Variants in MTREX observed in about 807,000 individuals in gnomAD.
MTREX encodes the protein Mtr4 exosome RNA helicase, also known as exosome RNA helicase MTR4.
Under a neutral mutation model 135.4 loss-of-function variants are expected in MTREX, and 76 were observed. That is an observed-to-expected ratio of 0.56 (90% CI 0.47 to 0.68). The LOEUF (loss-of-function observed/expected upper bound fraction) is 0.68, where lower values mean the gene tolerates loss of function less well. Ranked by LOEUF, MTREX falls within the 30% of genes least tolerant of loss-of-function variation. The pLI is 0.00. For synonymous variants in MTREX, 404 were observed against 401.6 expected (o/e 1.01, Z -0.07); for missense variants, 920 against 1,262.1 (o/e 0.73, Z 4.11).
Position 55,378,506 on chromosome 5 carries a change from T to C in MTREX, c.1983+20T>C. 6.3e-7 allele frequency: 1 copy of C among 1,584,236 alleles called. No individual in the cohort carries two copies. Among genetic ancestry groups the C allele is most frequent in the Middle Eastern group, 1.7e-4 (1 of 5,826 alleles). ...GTAAAGGTATGTCATTGTTTCTTCA[T>C]AAAATACTTGAATAATTCAATATTT... On this transcript the variant is annotated intron_variant, in intron 17 of 26. Transcript: ENST00000230640.
chr5:55,403,079 T>A (rs540064151), intron 21 of MTREX, among the ~76,000 whole-genome samples: 9 of 151,956 alleles, frequency 5.9e-5, no homozygotes, highest in Non-Finnish European at 1.2e-4. Flanking sequence ...CATGCACCTG[T>A]CATCCCAGGT....
Position 55,422,893 on chromosome 5 carries a change from G to C in MTREX, c.2987G>C (p.Cys996Ser). 6.2e-7 allele frequency: 1 copy of C among 1,613,542 alleles called. No individual in the cohort carries two copies. Among genetic ancestry groups the C allele is most frequent in the Non-Finnish European group, 8.5e-7 (1 of 1,179,762 alleles). ...TDVFEGSIIR[C>S]MRRLEELLRQ... The stretch of plus-strand genomic sequence containing the variant: ...TTCTATCCAGGCAGCATAATTCGTT[G>C]TATGAGGCGCCTGGAAGAATTGCTT... The change falls in exon 26 of 27, where the codon TGT becomes TCT. Residue 996 changes from cysteine (C) to serine (S), a missense_variant. By Grantham distance (112) the Cys-to-Ser change is moderately radical. Around this residue, in one of 6 missense-constraint regions of MTREX, gnomAD observed 467 missense variants for 589.7 expected, o/e 0.79. Transcript: ENST00000230640.
chr5:55,314,765 G>A (rs1043067380), intron 1 of MTREX, among the ~76,000 whole-genome samples: 1 of 152,216 alleles, frequency 6.6e-6, no homozygotes, highest in Non-Finnish European at 1.5e-5. Context: ...ATGGAAGACA[G>A]TTTTTCCACA....
intron 15 of MTREX, among the ~76,000 whole-genome samples, chr5:55,366,276 C>A (rs1239247799): frequency 3.3e-5 from 5 of 152,110 alleles, no homozygotes; most frequent in Non-Finnish European, 7.4e-5. Flanking sequence ...ATTGAGCCAA[C>A]CCAGGAGTTC....
Position 55,411,119 on chromosome 5 carries a change from G to T in MTREX, c.2751+490G>T, listed in dbSNP as rs368287017. 1.2e-4 allele frequency among the ~76,000 whole-genome samples: 18 copies of T among 152,222 alleles called. No individual in the cohort carries two copies. In the East Asian group the frequency reaches 1.3e-3, roughly 11 times the overall value. On this transcript the variant is annotated intron_variant, in intron 23 of 26. Coordinates refer to ENST00000230640, the MANE Select transcript of MTREX (RefSeq NM_015360.5). The stretch of plus-strand genomic sequence containing the variant: ...TAAGATCCTTGTTGGTTTGGCAGCA[G>T]TTTTTTTCATATGAGTAATTAGTTC...
At chr5:55,412,506 T>G (rs1274235594) in intron 23 of MTREX, among the ~76,000 whole-genome samples, 1 of 152,124 alleles carries the variant, frequency 6.6e-6, no homozygotes, top group Admixed American at 6.6e-5. Context: ...GATAAAGAAA[T>G]ACAGTACACA....
chr5:55,345,024 T>G, intron 9 of MTREX, 70 bp from the exon 10 acceptor site: 1 of 878,766 alleles, frequency 1.1e-6, no homozygotes, highest in Non-Finnish European at 1.8e-6. Context: ...GGGGAAGCCT[T>G]ATGTATGAAA....
At chr5:55,334,533 T>C (rs1749523793) in intron 5 of MTREX, among the ~76,000 whole-genome samples, 1 of 152,104 alleles carries the variant, frequency 6.6e-6, no homozygotes, top group African/African-American at 2.4e-5. Flanking sequence ...TGTTTATATA[T>C]GTAAAACAAA....
chr5:55,337,295 A>G (rs1429448598), intron 5 of MTREX, among the ~76,000 whole-genome samples: 1 of 151,466 alleles, frequency 6.6e-6, no homozygotes, highest in East Asian at 1.9e-4. Context: ...TAATTTTTAT[A>G]TTTTATTTAT....
intron 22 of MTREX, among the ~76,000 whole-genome samples, chr5:55,410,286 A>G (rs537368129): frequency 9.9e-5 from 15 of 152,208 alleles, no homozygotes; most frequent in African/African-American, 3.6e-4. Context: ...TATTTCACGA[A>G]TGTGTGCATT....
At chr5:55,379,347 G>A (rs1282971966) in intron 18 of MTREX, 152 bp downstream of exon 18, 2 of 533,882 alleles carry the variant, frequency 3.7e-6, no homozygotes, top group East Asian at 3.4e-5. Flanking sequence ...AATACACCCG[G>A]CTAATTTTTG....
At chr5:55,314,540 C>T (rs1315973249) in intron 1 of MTREX, among the ~76,000 whole-genome samples, 1 of 152,076 alleles carries the variant, frequency 6.6e-6, no homozygotes, top group East Asian at 1.9e-4. Context: ...GGTCATAAGC[C>T]GGAAAATGTG....
intron 25 of MTREX, among the ~76,000 whole-genome samples, chr5:55,422,452 C>T (rs1751069663): frequency 6.6e-6 from 1 of 152,146 alleles, no homozygotes; most frequent in African/African-American, 2.4e-5. Flanking sequence ...TGTCCAGATG[C>T]CTCACTAGGC....
intron 18 of MTREX, among the ~76,000 whole-genome samples, chr5:55,381,670 G>A (rs1750397984): frequency 6.6e-6 from 1 of 152,162 alleles, no homozygotes; most frequent in Non-Finnish European, 1.5e-5. Context: ...GCCTGACATG[G>A]TCTGTCCTGC....
At chr5:55,416,177 C>G (rs1366213316) in intron 25 of MTREX, 45 bp downstream of exon 25, 1 of 1,250,026 alleles carries the variant, frequency 8.0e-7, no homozygotes, top group African/African-American at 1.6e-5. Context: ...ATAAGAAATA[C>G]AGTTAGGATG....
intron 13 of MTREX, among the ~76,000 whole-genome samples, chr5:55,352,946 T>C (rs996830215): frequency 6.6e-6 from 1 of 152,192 alleles, no homozygotes; most frequent in African/African-American, 2.4e-5. Context: ...AGAAAGTCTG[T>C]TTTCCCTTAA....
intron 11 of MTREX, among the ~76,000 whole-genome samples, chr5:55,348,337 C>A (rs1479986601): frequency 1.3e-5 from 2 of 152,102 alleles, no homozygotes; most frequent in Admixed American, 6.5e-5. Flanking sequence ...TTCATGAGGA[C>A]CCTGTCTCTT....
At chr5:55,387,269 T>G (rs1165077197) in intron 18 of MTREX, among the ~76,000 whole-genome samples, 1 of 152,124 alleles carries the variant, frequency 6.6e-6, no homozygotes, top group Non-Finnish European at 1.5e-5. Flanking sequence ...AAATAGATTG[T>G]AGAAATGGAT....
chr5:55,317,931 A>C (rs1749224665), intron 1 of MTREX, among the ~76,000 whole-genome samples: 2 of 152,074 alleles, frequency 1.3e-5, no homozygotes, highest in South Asian at 4.2e-4. Context: ...TTACAGGAGA[A>C]AAACAACCTT....
Sources: allele counts gnomAD v4.1 joint callset (sites outside exome capture counted in the v4.1 genomes callset), GRCh38; gene constraint gnomAD v4.1.1; regional missense constraint gnomAD v4.1.1; transcripts MANE v1.5; gene names NCBI Gene and HGNC (gene_info 2026-07-23, HGNC 2026-07-21).